HDAC9: variants seen among roughly 807,000 people sequenced by gnomAD.
HDAC9 encodes the protein MEF-2 interacting transcription repressor (MITR) protein.
Under a neutral mutation model 139.4 loss-of-function variants are expected in HDAC9, and 41 were observed. The ratio of observed to expected loss-of-function variants is 0.29; its 90% confidence interval spans 0.23 to 0.38. The LOEUF (loss-of-function observed/expected upper bound fraction) is 0.38. Ranked by LOEUF, HDAC9 falls within the 10% of genes least tolerant of loss-of-function variation. HDAC9 has a pLI of 1.00. For missense variants in HDAC9, 1,147 were observed against 1,297.0 expected (o/e 0.88, Z 1.78); for synonymous variants, 517 against 476.2 (o/e 1.09, Z -1.12).
In HDAC9 at chr7:18,869,145, GGGGT is replaced by G. The variant is rs1386927982; in HGVS notation, c.2685-5331_2685-5328del. On this transcript the variant is annotated intron_variant, in intron 21 of 25. Coordinates refer to ENST00000686413, the MANE Select transcript of HDAC9 (RefSeq NM_178425.4). ...AAGGGAAATTCCTGGACTCACAATT[GGGGT>G]GTGTGTGTGTGTGTGTGTGTGTGTG... 9.5e-5 allele frequency among the ~76,000 whole-genome samples: 12 copies of G among 125,726 alleles called. No individual in the cohort carries two copies. The East Asian group carries it at 2.0e-3, about 21-fold the overall frequency. 82.5% of individuals were successfully genotyped at this position (125,726 alleles called of 152,430 possible).
At chr7:18,565,842 T>C (rs1414485829) in intron 2 of HDAC9, among the ~76,000 whole-genome samples, 1 of 151,162 alleles carries the variant, frequency 6.6e-6, no homozygotes, top group East Asian at 1.9e-4. Context: ...ATTTATAATG[T>C]GGATAATTTT....
At chr7:18,783,168 A>G (rs1222294921) in intron 16 of HDAC9, among the ~76,000 whole-genome samples, 1 of 152,118 alleles carries the variant, frequency 6.6e-6, no homozygotes, top group Non-Finnish European at 1.5e-5. Context: ...CTCTCTTGGT[A>G]CAATTTATGT....
intron 11 of HDAC9, among the ~76,000 whole-genome samples, chr7:18,652,171 A>G (rs1459916667): frequency 1.3e-5 from 2 of 152,060 alleles, no homozygotes; most frequent in Non-Finnish European, 2.9e-5. Context: ...ATTTTTCCCC[A>G]ATACCATGGA....
At chr7:18,725,059 T>A (rs1785434301) in intron 12 of HDAC9, among the ~76,000 whole-genome samples, 1 of 152,132 alleles carries the variant, frequency 6.6e-6, no homozygotes, top group African/African-American at 2.4e-5. Context: ...CTAGAAAGGA[T>A]GGCTTGGAAG....
At chr7:18,442,573 T>C (rs747669113) in intron 1 of HDAC9, among the ~76,000 whole-genome samples, 1 of 152,226 alleles carries the variant, frequency 6.6e-6, no homozygotes, top group African/African-American at 2.4e-5. Flanking sequence ...TTAGCCTGCA[T>C]TGGATCCTCC....
At chr7:18,474,972 A>G (rs1270618823) in intron 1 of HDAC9, among the ~76,000 whole-genome samples, 3 of 152,204 alleles carry the variant, frequency 2.0e-5, no homozygotes, top group African/African-American at 7.2e-5. Flanking sequence ...GAAGCATAAA[A>G]TGTAATTGAA....
chr7:18,673,704 T>C (rs1480730959), intron 12 of HDAC9, among the ~76,000 whole-genome samples: 1 of 152,070 alleles, frequency 6.6e-6, no homozygotes, highest in African/African-American at 2.4e-5. Flanking sequence ...ATTTTGTTAA[T>C]TGATAGATCT....
intron 2 of HDAC9, among the ~76,000 whole-genome samples, chr7:18,198,407 G>C (rs1178322): frequency 0.5 from 75,505 of 151,916 alleles, 20,280 homozygotes; most frequent in African/African-American, 0.7. Flanking sequence ...TCTTCCAACT[G>C]TAAAATCTTC....
In HDAC9 at chr7:18,749,082, C is replaced by A; in HGVS notation, c.1987C>A (p.Arg663=). The change falls in exon 14 of 26, where the codon CGA becomes AGA. Residue 663 remains arginine (R), a synonymous_variant. Coordinates refer to ENST00000686413, the MANE Select transcript of HDAC9 (RefSeq NM_178425.4). ...CACCACCCACCCTGAGCATGCTGGA[C>A]GAATACAGAGTATCTGGTCACGACT... ...NSTTHPEHAG[R]IQSIWSRLQE... 6.2e-7 allele frequency: 1 copy of A among 1,613,632 alleles called. No homozygotes were observed. The highest frequency in any genetic ancestry group is 8.5e-7 in the Non-Finnish European group (1 of 1,179,788).
At chr7:18,206,439 C>G (rs1337889888) in intron 2 of HDAC9, among the ~76,000 whole-genome samples, 4 of 152,060 alleles carry the variant, frequency 2.6e-5, no homozygotes, top group Admixed American at 6.6e-5. Flanking sequence ...CAGGAGTAAG[C>G]AGGGCCTCAG....
chr7:18,760,375 T>G (rs1252602730), intron 14 of HDAC9, among the ~76,000 whole-genome samples: 1 of 152,202 alleles, frequency 6.6e-6, no homozygotes, highest in Non-Finnish European at 1.5e-5. Flanking sequence ...ACTCTTTGGT[T>G]GTTCTGGTCT....
chr7:18,376,975 C>G (rs1785041015), intron 1 of HDAC9, among the ~76,000 whole-genome samples: 1 of 151,940 alleles, frequency 6.6e-6, no homozygotes, highest in Non-Finnish European at 1.5e-5. Flanking sequence ...TTAAAGGGAA[C>G]AAGCATATGA....
chr7:18,138,847 A>G (rs533821681), intron 1 of HDAC9, among the ~76,000 whole-genome samples: 10 of 152,262 alleles, frequency 6.6e-5, no homozygotes, highest in African/African-American at 2.4e-4. Flanking sequence ...AAGTCTCTCA[A>G]TTCAGAGTAC....
rs1196187367 is a variant in HDAC9, at chr7:19,000,111, A to G, written c.*4049A>G. 6.6e-6 allele frequency: 1 copy of G among 152,262 alleles called. No individual in the cohort carries two copies. The highest frequency in any genetic ancestry group is 1.5e-5 in the Non-Finnish European group (1 of 68,048). The allele number at this position is 152,262 out of a possible 1,614,324, so 9.4% of individuals were successfully genotyped here. On this transcript the variant is annotated 3_prime_UTR_variant, in exon 26 of 26. Coordinates refer to ENST00000686413, the MANE Select transcript of HDAC9 (RefSeq NM_178425.4). ...TTCACTTTCAAAAGAAATGAAAACC[A>G]GATGGTCTATGCTAAGAAGTGAAGG...
intron 12 of HDAC9, among the ~76,000 whole-genome samples, chr7:18,701,386 G>T (rs1783461366): frequency 7.1e-6 from 1 of 141,396 alleles, no homozygotes; most frequent in African/African-American, 2.8e-5. Context: ...ATTCTGTTGT[G>T]GCGTCTGATT....
At chr7:18,274,347 G>C (rs914933984) in intron 2 of HDAC9, among the ~76,000 whole-genome samples, 10 of 152,182 alleles carry the variant, frequency 6.6e-5, no homozygotes, top group Admixed American at 2.6e-4. Flanking sequence ...AGGTAAGCAG[G>C]CATGTGCATA....
rs576375383 is a variant in HDAC9 at position 18,601,904 on chromosome 7, G to T, written c.664+7875G>T. 5.3e-5 allele frequency among the ~76,000 whole-genome samples: 8 copies of T among 152,230 alleles called. No homozygotes were observed. The East Asian group carries it at 1.5e-3, about 29-fold the overall frequency. ...GGAAGATTTTAAAATCTATATTCAG[G>T]AGAGATAATTGATCAATGGCTATCT... On this transcript the variant is annotated intron_variant, in intron 6 of 25. Transcript: ENST00000686413.
chr7:18,561,525 A>T (rs1820599455), intron 2 of HDAC9, among the ~76,000 whole-genome samples: 4 of 151,576 alleles, frequency 2.6e-5, no homozygotes. Context: ...TGCAACCATC[A>T]CCACAATCTA....
intron 1 of HDAC9, among the ~76,000 whole-genome samples, chr7:18,452,164 G>A (rs1052950313): frequency 1.3e-5 from 2 of 152,106 alleles, no homozygotes; most frequent in Admixed American, 1.3e-4. Context: ...AAGGTCAACA[G>A]CAAAGTGACC....
Sources: allele counts gnomAD v4.1 joint callset (sites outside exome capture counted in the v4.1 genomes callset), GRCh38; gene constraint gnomAD v4.1.1; transcripts MANE v1.5; gene names NCBI Gene and HGNC (gene_info 2026-07-23, HGNC 2026-07-21).